The following PDE11A variants were observed in gnomAD, a reference collection of about 807,000 sequenced individuals.
The protein encoded by PDE11A is phosphodiesterase 11A.
PDE11A carries 100 observed loss-of-function variants against 100.5 expected under a neutral mutation model. The ratio of observed to expected loss-of-function variants is 1.00; its 90% CI spans 0.85 to 1.18. The LOEUF is 1.18. Among genes scored for constraint, PDE11A ranks in the 50% most tolerant of loss-of-function variants. The probability of loss-of-function intolerance (pLI) is 0.00; values close to 1 mark genes in which losing one functional copy is unlikely to be tolerated. For missense variants in PDE11A, 1,141 were observed against 1,152.6 expected, an observed-to-expected ratio of 0.99 and a Z score of 0.15; for synonymous variants, 381 against 420.8, an observed-to-expected ratio of 0.91 and a Z score of 1.16.
chr2:177,890,547 A>C (rs1406971938), intron 4 of PDE11A, among the ~76,000 whole-genome samples: 1 of 152,220 alleles, frequency 6.6e-6, no homozygotes, highest in Non-Finnish European at 1.5e-5. Flanking sequence ...ATGGGGTGGA[A>C]GTGGAGTGAT....
Position 177,857,291 on chromosome 2 carries a change from A to G in PDE11A, c.1368-16908T>C, listed in dbSNP as rs568166860. Among the ~76,000 whole-genome samples the G allele has an allele frequency of 3.9e-5, 6 of 152,126 alleles. No homozygotes were observed. In the South Asian group the frequency reaches 1.2e-3, roughly 32 times the overall value. On this transcript the variant is annotated intron_variant, in intron 5 of 19. Coordinates refer to ENST00000286063, the MANE Select transcript of PDE11A (RefSeq NM_016953.4). ...CCAGTAGACCTGTCCTGTAAGAAAT[A>G]CAAAAAGAAAAGCCTTCAGGCTGAA...
At chr2:177,651,950 G>T (rs1008775467) in intron 19 of PDE11A, among the ~76,000 whole-genome samples, 3 of 152,108 alleles carry the variant, frequency 2.0e-5, no homozygotes, top group Non-Finnish European at 2.9e-5. Context: ...ACCGCCACAG[G>T]GCAATTCAAG....
chr2:177,727,655 T>A lies in PDE11A; in HGVS notation c.2043+3A>T. The stretch of plus-strand genomic sequence containing the variant: ...ATCTTCCACCATCACTAAGCACACT[T>A]ACGGTTAACATCGCGAACATCAGCT... On this transcript the variant is annotated splice_donor_region_variant and intron_variant, in intron 12 of 19. Coordinates refer to ENST00000286063, the MANE Select transcript of PDE11A (RefSeq NM_016953.4). The A allele has an allele frequency of 2.6e-6, 4 of 1,535,460 alleles. No homozygotes were observed. Among genetic ancestry groups the A allele is most frequent in the Non-Finnish European group, 3.6e-6 (4 of 1,108,298 alleles).
chr2:177,939,882 G>T (rs1241862041), intron 2 of PDE11A, among the ~76,000 whole-genome samples: 1 of 152,124 alleles, frequency 6.6e-6, no homozygotes, highest in Non-Finnish European at 1.5e-5. Context: ...AATATTTAAC[G>T]ATGTATCAGC....
At chr2:178,091,068 T>C (rs1170998104) in intron 2 of PDE11A, among the ~76,000 whole-genome samples, 1 of 152,026 alleles carries the variant, frequency 6.6e-6, no homozygotes, top group East Asian at 1.9e-4. Context: ...AATATCTTTT[T>C]TATTTTATTT....
intron 5 of PDE11A, among the ~76,000 whole-genome samples, chr2:177,867,984 A>T (rs771265368): frequency 1.3e-5 from 2 of 152,166 alleles, no homozygotes; most frequent in African/African-American, 2.4e-5. Context: ...GTCTCATGGG[A>T]GTCAATTCTC....
intron 1 of PDE11A, chr2:178,108,124 G>A (rs1485987327): frequency 6.6e-6 from 1 of 152,198 alleles, no homozygotes; most frequent in Non-Finnish European, 1.5e-5. Flanking sequence ...GCTTAAAGAG[G>A]AATAGGTGGG....
At chr2:178,097,622 A>G (rs1474741775) in intron 2 of PDE11A, among the ~76,000 whole-genome samples, 4 of 152,248 alleles carry the variant, frequency 2.6e-5, no homozygotes, top group Non-Finnish European at 5.9e-5. Context: ...AAACCATATC[A>G]TAGAGCTACA....
intron 19 of PDE11A, among the ~76,000 whole-genome samples, chr2:177,657,402 A>G (rs2080405847): frequency 6.6e-6 from 1 of 152,208 alleles, no homozygotes; most frequent in Non-Finnish European, 1.5e-5. Context: ...ACAAGCTGCC[A>G]TCATTCAGCT....
intron 1 of PDE11A, among the ~76,000 whole-genome samples, chr2:178,058,236 T>G (rs1200004542): frequency 3.3e-5 from 5 of 152,204 alleles, no homozygotes; most frequent in African/African-American, 1.2e-4. Flanking sequence ...CCACTTACCC[T>G]GTGACTGAAT....
intron 2 of PDE11A, among the ~76,000 whole-genome samples, chr2:177,906,289 G>A (rs1445500834): frequency 3.3e-5 from 5 of 152,138 alleles, no homozygotes; most frequent in African/African-American, 4.8e-5. Context: ...TGCAGTGCCC[G>A]CTGTGGGTGA....
chr2:177,717,024 A>G (rs1259953964), intron 12 of PDE11A, among the ~76,000 whole-genome samples: 2 of 152,208 alleles, frequency 1.3e-5, no homozygotes, highest in South Asian at 2.1e-4. Flanking sequence ...TTTTAAGAAC[A>G]TAACAGAGCC....
Position 177,919,048 on chromosome 2 carries a change from C to A in PDE11A, c.1072-13861G>T, listed in dbSNP as rs572849430. On this transcript the variant is annotated intron_variant, in intron 2 of 19. Coordinates refer to ENST00000286063, the MANE Select transcript of PDE11A (RefSeq NM_016953.4). ...CAAAAATCAAACCTACAGAATAGAT[C>A]CCTTATGAAAACAGATAAGAAACAT... Among the ~76,000 whole-genome samples the A allele has an allele frequency of 8.6e-5, 13 of 151,942 alleles. 1 individual carries two copies. The South Asian group carries it at 2.7e-3, about 32-fold the overall frequency.
intron 1 of PDE11A, among the ~76,000 whole-genome samples, chr2:178,066,166 T>C (rs1319821071): frequency 6.6e-6 from 1 of 151,856 alleles, no homozygotes; most frequent in Non-Finnish European, 1.5e-5. Flanking sequence ...AATACAGGAA[T>C]AGAAAAGCAC....
At chr2:178,083,081 G>C (rs1288040262) in intron 2 of PDE11A, among the ~76,000 whole-genome samples, 1 of 151,174 alleles carries the variant, frequency 6.6e-6, no homozygotes, top group Admixed American at 6.6e-5. Flanking sequence ...TAGAAAAACA[G>C]AACTCAGTAA....
At position 177,875,892 on chromosome 2, in the gene PDE11A, A is replaced by G. The variant is rs767353102; in HGVS notation, c.1334T>C (p.Met445Thr). The change falls in exon 5 of 20, where the codon ATG becomes ACG. Residue 445 changes from methionine (M) to threonine (T), a missense_variant. Transcript: ENST00000286063. ...VVKFTKSFELMSPKCSADAEN... is the reference protein window; with the variant it reads ...VVKFTKSFELTSPKCSADAEN... The stretch of plus-strand genomic sequence containing the variant: ...AGCATCAGCACTGCACTTTGGGGAC[A>G]TCAATTCAAAGGATTTGGTAAATTT... The G allele has an allele frequency of 6.0e-5, 96 of 1,612,350 alleles. No homozygotes were observed. Among genetic ancestry groups the G allele is most frequent in the Non-Finnish European group, 8.0e-5 (94 of 1,178,482 alleles).
intron 2 of PDE11A, among the ~76,000 whole-genome samples, chr2:177,979,326 A>G (rs939673794): frequency 1.3e-5 from 2 of 150,624 alleles, no homozygotes; most frequent in Non-Finnish European, 3.0e-5. Flanking sequence ...GTTGGGGGTG[A>G]CCAATATAAA....
chr2:177,705,047 G>T (rs1181522250), intron 13 of PDE11A, among the ~76,000 whole-genome samples: 1 of 152,058 alleles, frequency 6.6e-6, no homozygotes, highest in Non-Finnish European at 1.5e-5. Context: ...TCACCATGTT[G>T]GCCAGGCTGG....
chr2:178,094,331 C>G (rs2087461434), intron 2 of PDE11A, among the ~76,000 whole-genome samples: 1 of 151,936 alleles, frequency 6.6e-6, no homozygotes, highest in Non-Finnish European at 1.5e-5. Flanking sequence ...GAGTTCAAGA[C>G]CAGCCTTGGT....
Sources: allele counts gnomAD v4.1 joint callset (sites outside exome capture counted in the v4.1 genomes callset), GRCh38; gene constraint gnomAD v4.1.1; transcripts MANE v1.5; gene names NCBI Gene and HGNC (gene_info 2026-07-23, HGNC 2026-07-21).